The following CRPPA variants were observed in gnomAD, a reference collection of about 807,000 sequenced individuals.
The protein encoded by CRPPA is CDP-L-ribitol pyrophosphorylase A, also known as D-ribitol-5-phosphate cytidylyltransferase.
Under a neutral mutation model 52.0 loss-of-function variants are expected in CRPPA, and 43 were observed. The observed-to-expected ratio is 0.83, with a 90% CI of 0.65 to 1.07. CRPPA has a LOEUF of 1.07. Among genes scored for constraint, CRPPA ranks in the 50% least tolerant of loss-of-function variants. CRPPA has a pLI of 0.00. For synonymous variants in CRPPA, 250 were observed against 203.5 expected, an observed-to-expected ratio of 1.23 and a Z score of -1.94; for missense variants, 629 against 551.7, an observed-to-expected ratio of 1.14 and a Z score of -1.40.
At chr7:16,161,936 T>C (rs891693037) in intron 9 of CRPPA, among the ~76,000 whole-genome samples, 3 of 152,216 alleles carry the variant, frequency 2.0e-5, no homozygotes, top group Non-Finnish European at 4.4e-5. Context: ...TGTCCAGGAA[T>C]GTATCCGTTT....
At chr7:16,240,014 A>G (rs1023352304) in intron 8 of CRPPA, among the ~76,000 whole-genome samples, 6 of 152,134 alleles carry the variant, frequency 3.9e-5, no homozygotes, top group South Asian at 2.1e-4. Context: ...ATTTCTTTAC[A>G]CATCAGTTAC....
At chr7:16,271,339 A>T (rs1238442911) in intron 6 of CRPPA, among the ~76,000 whole-genome samples, 10 of 152,180 alleles carry the variant, frequency 6.6e-5, no homozygotes, top group Admixed American at 6.5e-4. Context: ...CTGTACTTTT[A>T]AGAGGAGCAG....
intron 3 of CRPPA, among the ~76,000 whole-genome samples, chr7:16,327,203 T>C (rs1003031868): frequency 1.3e-5 from 2 of 152,176 alleles, no homozygotes; most frequent in Non-Finnish European, 2.9e-5. Flanking sequence ...CAGGTAAAAC[T>C]GATTATCTTC....
At chr7:16,276,641 A>G (rs1784208957) in intron 6 of CRPPA, 1 of 152,244 alleles carries the variant, frequency 6.6e-6, no homozygotes, top group Non-Finnish European at 1.5e-5. Context: ...CCCTCACTAG[A>G]GCATCTATTG....
chr7:16,134,215 G>C (rs1363364842), intron 9 of CRPPA, among the ~76,000 whole-genome samples: 1 of 125,500 alleles, frequency 8.0e-6, no homozygotes, highest in African/African-American at 2.6e-5. Flanking sequence ...ACAGGCGTGA[G>C]ACGCCACACA....
At chr7:16,256,430 T>G (rs964436816) in intron 8 of CRPPA, among the ~76,000 whole-genome samples, 5 of 152,188 alleles carry the variant, frequency 3.3e-5, no homozygotes, top group African/African-American at 1.2e-4. Context: ...CCCAAAGGAT[T>G]ATAAATCATT....
chr7:16,371,926 G>C (rs1187360561), intron 3 of CRPPA, among the ~76,000 whole-genome samples: 1 of 152,018 alleles, frequency 6.6e-6, no homozygotes, highest in East Asian at 1.9e-4. Flanking sequence ...GCAGTGGAAA[G>C]TTTCAACAAC....
rs549218127 is a variant in CRPPA at position 16,136,363 on chromosome 7, T to C, written c.1252-44564A>G. Among the ~76,000 whole-genome samples, 5 of 152,322 alleles carry C rather than the reference T, an allele frequency of 3.3e-5. No individual in the cohort carries two copies. In the South Asian group the frequency reaches 8.3e-4, roughly 25 times the overall value. Reference sequence around the variant, plus strand: ...ACTTAATAACCATGAGATAAGAACATTGTTTCAGTTTTGTGGATGAGGAAA... The same window carrying C: ...ACTTAATAACCATGAGATAAGAACACTGTTTCAGTTTTGTGGATGAGGAAA... On this transcript the variant is annotated intron_variant, in intron 9 of 9. Transcript: ENST00000407010.
intron 2 of CRPPA, among the ~76,000 whole-genome samples, chr7:16,397,571 C>T (rs1787635980): frequency 6.9e-6 from 1 of 144,620 alleles, no homozygotes; most frequent in South Asian, 2.1e-4. Context: ...ACCAATTTGA[C>T]TGACATATGA....
At chr7:16,417,680 C>T (rs1788228240) in intron 1 of CRPPA, among the ~76,000 whole-genome samples, 1 of 152,148 alleles carries the variant, frequency 6.6e-6, no homozygotes, top group African/African-American at 2.4e-5. Context: ...TTCAGTACTA[C>T]ACTCATTACA....
chr7:16,095,824 T>TA (rs1781924793), intron 9 of CRPPA, among the ~76,000 whole-genome samples: 1 of 152,210 alleles, frequency 6.6e-6, no homozygotes, highest in Non-Finnish European at 1.5e-5. Context: ...TGAGAACTCC[T>TA]AAAAATCTGC....
At chr7:16,104,928 C>G (rs1284074327) in intron 9 of CRPPA, among the ~76,000 whole-genome samples, 1 of 150,632 alleles carries the variant, frequency 6.6e-6, no homozygotes. Context: ...AAAAAAAAAT[C>G]TTATTAGAGG....
chr7:16,232,653 G>A (rs908598083), intron 8 of CRPPA, among the ~76,000 whole-genome samples: 1 of 152,090 alleles, frequency 6.6e-6, no homozygotes, highest in Non-Finnish European at 1.5e-5. Flanking sequence ...TCAGTTGTGG[G>A]AAATAATTAT....
chr7:16,327,421 T>C (rs1217773082), intron 3 of CRPPA, among the ~76,000 whole-genome samples: 4 of 149,592 alleles, frequency 2.7e-5, no homozygotes, highest in Middle Eastern at 3.4e-3. Context: ...TGAAACCCCG[T>C]CTCTACTAAA....
intron 6 of CRPPA, among the ~76,000 whole-genome samples, chr7:16,266,742 G>A (rs577455071): frequency 6.6e-6 from 1 of 152,162 alleles, no homozygotes; most frequent in Non-Finnish European, 1.5e-5. Flanking sequence ...GCCTCCTAAA[G>A]TGCTGGGATT....
At position 16,348,308 on chromosome 7, in the gene CRPPA, C is replaced by T. The variant is rs1287199668; in HGVS notation, c.684+27784G>A. On this transcript the variant is annotated intron_variant, in intron 3 of 9. Coordinates refer to ENST00000407010, the MANE Select transcript of CRPPA (RefSeq NM_001101426.4). The stretch of plus-strand genomic sequence containing the variant: ...CTTAACTCTTCAAGAGGAGAGCACA[C>T]ATAAGCAAGTCTCTCTAGACTACAG... Among the ~76,000 whole-genome samples, 4 of 152,298 alleles carry T rather than the reference C, an allele frequency of 2.6e-5. No homozygotes were observed. In the East Asian group the frequency reaches 7.7e-4, roughly 29 times the overall value.
chr7:16,403,646 G>A (rs1787884533), intron 2 of CRPPA, among the ~76,000 whole-genome samples: 1 of 152,200 alleles, frequency 6.6e-6, no homozygotes. Flanking sequence ...TGAACGGTGT[G>A]TGACTGCATT....
At chr7:16,394,801 C>A (rs1787529470) in intron 2 of CRPPA, among the ~76,000 whole-genome samples, 1 of 152,052 alleles carries the variant, frequency 6.6e-6, no homozygotes, top group Non-Finnish European at 1.5e-5. Context: ...TGACAAAAAG[C>A]TTCAGGCATC....
At chr7:16,375,977 A>G in intron 3 of CRPPA, 115 bp downstream of exon 3, 1 of 977,530 alleles carries the variant, frequency 1.0e-6, no homozygotes, top group Non-Finnish European at 1.5e-6. Context: ...AATAAGTCTT[A>G]GCCTTGAGTA....
Sources: allele counts gnomAD v4.1 joint callset (sites outside exome capture counted in the v4.1 genomes callset), GRCh38; gene constraint gnomAD v4.1.1; transcripts MANE v1.5; gene names NCBI Gene and HGNC (gene_info 2026-07-23, HGNC 2026-07-21).